Variants in LVRN observed in about 807,000 individuals in gnomAD.
LVRN encodes aminopeptidase Q.
A neutral mutation model predicts 111.4 loss-of-function variants in LVRN; 99 were observed. The ratio of observed to expected loss-of-function variants is 0.89; its 90% confidence interval spans 0.76 to 1.05. The LOEUF (loss-of-function observed/expected upper bound fraction) is 1.05, where lower values mean the gene tolerates loss of function less well. LVRN is among the 50% of genes least tolerant of loss of function. LVRN has a pLI of 0.00. For missense variants in LVRN, 1,414 were observed against 1,206.8 expected (o/e 1.17, Z -2.54); for synonymous variants, 488 against 449.5 (o/e 1.09, Z -1.08).
intron 18 of LVRN, among the ~76,000 whole-genome samples, chr5:116,019,562 G>A (rs1457603294): frequency 1.3e-5 from 2 of 152,188 alleles, no homozygotes; most frequent in East Asian, 3.8e-4. Context: ...CCCATAGTCA[G>A]TTGCTTTTTT....
chr5:116,006,019 T>C (rs910639345), intron 13 of LVRN, 52 bp downstream of exon 13: 6 of 1,379,706 alleles, frequency 4.3e-6, no homozygotes, highest in Admixed American at 3.6e-5. Context: ...GAGACCTTTA[T>C]AAAAATAATA....
chr5:115,984,570 G>GTC lies in LVRN; in HGVS notation c.840_841dup (p.Gln281LeufsTer8). On this transcript the variant is annotated frameshift_variant and splice_region_variant, in exon 3 of 20. Transcript: ENST00000357872. LOFTEE classifies it high-confidence loss of function. The stretch of plus-strand genomic sequence containing the variant: ...TTTGAACTAAAATAAAATTCTCTAG[G>GTC]TCAGTCTGAAAAAGAAGATGTGAAT... 6.2e-7 allele frequency: 1 copy of GTC among 1,613,102 alleles called. No homozygotes were observed. Among genetic ancestry groups the GTC allele is most frequent in the Non-Finnish European group, 8.5e-7 (1 of 1,179,510 alleles).
At position 116,025,976 on chromosome 5, in the gene LVRN, A is replaced by T; in HGVS notation, c.2833-2A>T. ...TGATCATCTGTCTCTCTGTCCTTCCAGCTGCAGCAGTTTTTCAGTAACATG... is the reference window on the plus strand; with the variant it reads ...TGATCATCTGTCTCTCTGTCCTTCCTGCTGCAGCAGTTTTTCAGTAACATG... On this transcript the variant is annotated splice_acceptor_variant, in intron 19 of 19. Coordinates refer to ENST00000357872, the MANE Select transcript of LVRN (RefSeq NM_173800.5). LOFTEE classifies it high-confidence loss of function. The T allele has an allele frequency of 6.2e-7, 1 of 1,613,644 alleles. No homozygotes were observed. The highest frequency in any genetic ancestry group is 8.5e-7 in the Non-Finnish European group (1 of 1,179,758).
At chr5:116,022,257 A>G (rs1748745517) in intron 18 of LVRN, 134 bp from the exon 19 acceptor site, 5 of 642,834 alleles carry the variant, frequency 7.8e-6, no homozygotes, top group South Asian at 1.9e-5. Context: ...AAACTAGTTC[A>G]TACATGTTTT....
chr5:115,982,421 G>A (rs1028777026), intron 1 of LVRN, among the ~76,000 whole-genome samples: 1 of 152,148 alleles, frequency 6.6e-6, no homozygotes, highest in South Asian at 2.1e-4. Context: ...CAGGATCTTG[G>A]TTGAAAAAGG....
At chr5:116,006,720 C>G (rs1748383178) in intron 13 of LVRN, among the ~76,000 whole-genome samples, 1 of 152,078 alleles carries the variant, frequency 6.6e-6, no homozygotes, top group Non-Finnish European at 1.5e-5. Context: ...GTTTTGGTGA[C>G]CATTTTATTA....
At chr5:115,963,590 A>C (rs551844389) in intron 1 of LVRN, among the ~76,000 whole-genome samples, 2 of 152,120 alleles carry the variant, frequency 1.3e-5, no homozygotes, top group Non-Finnish European at 2.9e-5. Context: ...ATATCTCCCA[A>C]TGCAAACTAT....
At chr5:115,982,131 A>G (rs528255560) in intron 1 of LVRN, among the ~76,000 whole-genome samples, 7 of 152,308 alleles carry the variant, frequency 4.6e-5, no homozygotes, top group Non-Finnish European at 8.8e-5. Context: ...GTAAGCCAAA[A>G]CAGGCCTTAC....
chr5:115,995,309 C>A (rs1748082149), intron 6 of LVRN: 1 of 152,142 alleles, frequency 6.6e-6, no homozygotes, highest in African/African-American at 2.4e-5. Flanking sequence ...TTTAAAAAAT[C>A]TCTTTTTATC....
At position 116,003,389 on chromosome 5, in the gene LVRN, A is replaced by G. The variant is rs6594929; in HGVS notation, c.2037+9A>G. 1,139,563 of 1,377,800 alleles carry G rather than the reference A, an allele frequency of 0.83. 473,094 individuals carry two copies. Among genetic ancestry groups the G allele is most frequent in the African/African-American group, 0.92 (60,632 of 65,968 alleles). The allele number at this position is 1,377,800 out of a possible 1,614,324, so 85.3% of individuals were successfully genotyped here. On this transcript the variant is annotated intron_variant, in intron 12 of 19. Coordinates refer to ENST00000357872, the MANE Select transcript of LVRN (RefSeq NM_173800.5). ...TTGAAAAGGATCCTAAGGTAAGGTTACTTTTGATACTTTTAATTAAATATA... is the reference window on the plus strand; with the variant it reads ...TTGAAAAGGATCCTAAGGTAAGGTTGCTTTTGATACTTTTAATTAAATATA...
chr5:116,009,117 T>C (rs1199430926), intron 13 of LVRN, among the ~76,000 whole-genome samples: 1 of 152,218 alleles, frequency 6.6e-6, no homozygotes, highest in Non-Finnish European at 1.5e-5. Context: ...TTTACCATTC[T>C]GTAAATCCTA....
intron 13 of LVRN, among the ~76,000 whole-genome samples, chr5:116,007,634 A>G (rs1305647161): frequency 6.6e-6 from 1 of 152,110 alleles, no homozygotes; most frequent in Admixed American, 6.5e-5. Flanking sequence ...AAGCTCCTCA[A>G]TGGTAGGCAA....
chr5:116,019,288 G>T (rs1748664732), intron 18 of LVRN, among the ~76,000 whole-genome samples: 1 of 152,222 alleles, frequency 6.6e-6, no homozygotes, highest in South Asian at 2.1e-4. Context: ...ATTGCTAGGG[G>T]ATAGGAATTT....
rs115973157 is a variant in LVRN, at chr5:115,991,999, C to T, written c.1106-124C>T. On this transcript the variant is annotated intron_variant, in intron 4 of 19. Transcript: ENST00000357872. ...ATTAGTCTTTAAAAAGCCTTCTCTC[C>T]GTTCAGGTTATAAATATTCCCTTGA... The T allele has an allele frequency of 6.2e-3, 5,353 of 865,128 alleles. 193 individuals carry two copies. In the African/African-American group the frequency reaches 0.077, roughly 13 times the overall value. The allele number at this position is 865,128 out of a possible 1,614,324, so 53.6% of individuals were successfully genotyped here.
chr5:116,008,359 T>A (rs1184865176), intron 13 of LVRN, among the ~76,000 whole-genome samples: 1 of 151,796 alleles, frequency 6.6e-6, no homozygotes, highest in Non-Finnish European at 1.5e-5. Flanking sequence ...ATAATAATAA[T>A]AAATAAATAA....
At chr5:116,019,229 A>G (rs1440020734) in intron 18 of LVRN, among the ~76,000 whole-genome samples, 7 of 152,250 alleles carry the variant, frequency 4.6e-5, no homozygotes, top group Admixed American at 3.3e-4. Context: ...AACATAGAAA[A>G]GATAATGTGC....
At chr5:115,991,127 C>T (rs77317693) in intron 4 of LVRN, among the ~76,000 whole-genome samples, 5,703 of 152,170 alleles carry the variant, frequency 0.037, 186 homozygotes, top group Middle Eastern at 0.068. Flanking sequence ...TGTATAATGA[C>T]CAGTATTGAC....
intron 3 of LVRN, among the ~76,000 whole-genome samples, chr5:115,986,429 C>A (rs534416525): frequency 3.3e-5 from 5 of 152,096 alleles, no homozygotes; most frequent in Non-Finnish European, 4.4e-5. Flanking sequence ...GGGATGATAT[C>A]GATTTATCTG....
At chr5:116,007,140 G>A (rs1026874839) in intron 13 of LVRN, among the ~76,000 whole-genome samples, 3 of 152,124 alleles carry the variant, frequency 2.0e-5, no homozygotes, top group Non-Finnish European at 4.4e-5. Context: ...TTAGCCTCCA[G>A]CCTTCGGTCC....
Sources: allele counts gnomAD v4.1 joint callset (sites outside exome capture counted in the v4.1 genomes callset), GRCh38; gene constraint gnomAD v4.1.1; transcripts MANE v1.5; gene names NCBI Gene and HGNC (gene_info 2026-07-23, HGNC 2026-07-21).